Variants in SWAP70 observed in about 807,000 individuals in gnomAD.
The protein encoded by SWAP70 is switch-associated protein 70.
A neutral mutation model predicts 80.2 loss-of-function variants in SWAP70; 34 were observed. The observed-to-expected ratio is 0.42, with a 90% CI of 0.32 to 0.56. The LOEUF (loss-of-function observed/expected upper bound fraction) is 0.56, where lower values mean the gene tolerates loss of function less well. SWAP70 is among the 20% of genes least tolerant of loss of function. The probability of loss-of-function intolerance (pLI) is 0.09; values close to 1 mark genes in which losing one functional copy is unlikely to be tolerated. For missense variants in SWAP70, 578 were observed against 690.7 expected (o/e 0.84, Z 1.83); for synonymous variants, 239 against 238.5 (o/e 1.00, Z -0.02).
intron 4 of SWAP70, 131 bp downstream of exon 4, chr11:9,725,016 T>G (rs986021735): frequency 1.4e-6 from 1 of 689,786 alleles, no homozygotes; most frequent in Non-Finnish European, 2.4e-6. Flanking sequence ...TTTTTTGTTT[T>G]TTTGAGACAG....
chr11:9,725,560 TATATA>T (rs1243214020), intron 4 of SWAP70, among the ~76,000 whole-genome samples: 52 of 16,602 alleles, frequency 3.1e-3, no homozygotes, highest in East Asian at 7.4e-3. Context: ...TATATATATA[TATATA>T]TATATTTTTT....
In SWAP70 at chr11:9,694,210, A is replaced by ACT; in HGVS notation, c.165_166dup (p.Phe56SerfsTer19). 1 of 1,613,194 alleles carries ACT rather than the reference A, an allele frequency of 6.2e-7. No individual in the cohort carries two copies. The highest frequency in any genetic ancestry group is 8.5e-7 in the Non-Finnish European group (1 of 1,179,606). ...CATGACCCAGTTGCCCTTGAAGAGC[A>ACT]CTTCAGGGATGATGATGAGGGTCCA... On this transcript the variant is annotated frameshift_variant, in exon 2 of 12. Coordinates refer to ENST00000318950, the MANE Select transcript of SWAP70 (RefSeq NM_015055.4). LOFTEE classifies it high-confidence loss of function.
At chr11:9,703,170 A>T (rs1328963062) in intron 2 of SWAP70, among the ~76,000 whole-genome samples, 1 of 152,202 alleles carries the variant, frequency 6.6e-6, no homozygotes, top group African/African-American at 2.4e-5. Flanking sequence ...ATATTAATGG[A>T]ATGATACAAT....
chr11:9,676,817 T>C (rs1850507208), intron 1 of SWAP70, among the ~76,000 whole-genome samples: 1 of 151,360 alleles, frequency 6.6e-6, no homozygotes, highest in Non-Finnish European at 1.5e-5. Context: ...GCCCGGCTAA[T>C]TTTTTTTGTA....
At chr11:9,702,598 C>T (rs1282093351) in intron 2 of SWAP70, among the ~76,000 whole-genome samples, 1 of 151,418 alleles carries the variant, frequency 6.6e-6, no homozygotes, top group Non-Finnish European at 1.5e-5. Context: ...TAATTTTTAA[C>T]TTTTTTTTGC....
intron 2 of SWAP70, among the ~76,000 whole-genome samples, chr11:9,711,049 T>C (rs577820631): frequency 1.3e-5 from 2 of 151,598 alleles, no homozygotes; most frequent in Non-Finnish European, 2.9e-5. Flanking sequence ...TATTTATTTA[T>C]GTATTTTTTA....
chr11:9,726,080 A>AT (rs1564829927), intron 4 of SWAP70, among the ~76,000 whole-genome samples: 1 of 151,922 alleles, frequency 6.6e-6, no homozygotes, highest in South Asian at 2.1e-4. Flanking sequence ...ATTTTGGTGA[A>AT]TTTTTTTCTT....
intron 7 of SWAP70, 124 bp from the exon 8 acceptor site, chr11:9,738,089 A>C (rs113701975): frequency 2.4e-5 from 13 of 541,994 alleles, no homozygotes; most frequent in Non-Finnish European, 3.5e-5. Flanking sequence ...TTTTTATTCT[A>C]TTATCTTTAT....
intron 3 of SWAP70, among the ~76,000 whole-genome samples, chr11:9,716,025 G>C (rs1417942067): frequency 6.6e-6 from 1 of 152,130 alleles, no homozygotes; most frequent in Non-Finnish European, 1.5e-5. Flanking sequence ...TGGCAGGTAG[G>C]GATTTCCCCA....
chr11:9,741,901 TATGA>T (rs917888539), intron 9 of SWAP70: 9 of 137,712 alleles, frequency 6.5e-5, no homozygotes, highest in African/African-American at 2.4e-4. Flanking sequence ...CCCAGGAGTT[TATGA>T]CCAGCCTGAG....
intron 1 of SWAP70, among the ~76,000 whole-genome samples, chr11:9,671,371 TAAAAA>T (rs1416306302): frequency 9.3e-6 from 1 of 107,432 alleles, no homozygotes; most frequent in Non-Finnish European, 1.7e-5. Flanking sequence ...TAAAATAAAA[TAAAAA>T]TAAAAATATA....
intron 7 of SWAP70, among the ~76,000 whole-genome samples, chr11:9,737,579 A>G (rs1036232704): frequency 6.6e-6 from 1 of 152,206 alleles, no homozygotes; most frequent in Admixed American, 6.5e-5. Context: ...ACTGTACAGA[A>G]AGAGCTCAAG....
intron 10 of SWAP70, among the ~76,000 whole-genome samples, chr11:9,748,611 G>T (rs1403402436): frequency 6.6e-6 from 1 of 152,218 alleles, no homozygotes; most frequent in Non-Finnish European, 1.5e-5. Flanking sequence ...AGTGCCACAG[G>T]AGCCGCTGAG....
intron 1 of SWAP70, among the ~76,000 whole-genome samples, chr11:9,667,636 CA>C (rs1260759422): frequency 6.6e-6 from 1 of 152,008 alleles, no homozygotes; most frequent in Non-Finnish European, 1.5e-5. Flanking sequence ...GATCATGGCT[CA>C]ATGCAGCCTC....
At position 9,671,638 on chromosome 11, in the gene SWAP70, ATTTC is replaced by A. The variant is rs1460344120; in HGVS notation, c.99+7362_99+7365del. On this transcript the variant is annotated intron_variant, in intron 1 of 11. Transcript: ENST00000318950. ...TATATTTCTATATAAATATATAAATATTTCTATATAAATATATTTCTATATAAAT... is the reference window on the plus strand; with the variant it reads ...TATATTTCTATATAAATATATAAATATATATAAATATATTTCTATATAAAT... 1.5e-3 allele frequency among the ~76,000 whole-genome samples: 130 copies of A among 86,256 alleles called. 4 individuals are homozygous for A. The highest frequency in any genetic ancestry group is 2.3e-3 in the Non-Finnish European group (107 of 46,546). The allele number at this position is 86,256 out of a possible 152,430, so 56.6% of individuals were successfully genotyped here. A position where few individuals can be genotyped will look rare whatever the true frequency, so the allele number is the denominator to read the frequency against.
intron 9 of SWAP70, among the ~76,000 whole-genome samples, chr11:9,744,107 C>T (rs1851479238): frequency 1.3e-5 from 2 of 151,944 alleles, no homozygotes; most frequent in African/African-American, 2.4e-5. Flanking sequence ...GGACTACAGG[C>T]GCCTGCCACC....
At chr11:9,719,355 CAGAATGAG>C (rs912681583) in intron 3 of SWAP70, among the ~76,000 whole-genome samples, 3 of 151,966 alleles carry the variant, frequency 2.0e-5, no homozygotes, top group African/African-American at 7.3e-5. Flanking sequence ...GCCTGGGTGA[CAGAATGAG>C]ATCCTGTCTC....
intron 1 of SWAP70, among the ~76,000 whole-genome samples, chr11:9,690,613 A>G (rs1489421371): frequency 6.6e-6 from 1 of 151,992 alleles, no homozygotes. Context: ...GAGACTGGGC[A>G]TGGTGGCTCA....
chr11:9,743,038 A>G (rs1308581656), intron 9 of SWAP70, among the ~76,000 whole-genome samples: 1 of 134,200 alleles, frequency 7.5e-6, no homozygotes, highest in African/African-American at 2.7e-5. Context: ...TCCTAATGCT[A>G]TCCCTCCCCC....
Sources: allele counts gnomAD v4.1 joint callset (sites outside exome capture counted in the v4.1 genomes callset), GRCh38; gene constraint gnomAD v4.1.1; transcripts MANE v1.5; gene names NCBI Gene and HGNC (gene_info 2026-07-23, HGNC 2026-07-21).